The following GULP1 variants were observed in gnomAD, a reference collection of about 807,000 sequenced individuals.
The protein encoded by GULP1 is GULP PTB domain containing engulfment adaptor 1.
GULP1 carries 19 observed loss-of-function variants against 40.9 expected under a neutral mutation model. The observed-to-expected ratio is 0.46, with a 90% CI of 0.32 to 0.68. The LOEUF is 0.68. Ranked by LOEUF, GULP1 falls within the 30% of genes least tolerant of loss-of-function variation. The pLI is 0.03. For missense variants in GULP1, 312 were observed against 362.2 expected (o/e 0.86, Z 1.12); for synonymous variants, 119 against 117.6 (o/e 1.01, Z -0.08).
At chr2:188,386,116 C>A (rs774438069) in intron 2 of GULP1, among the ~76,000 whole-genome samples, 1 of 152,120 alleles carries the variant, frequency 6.6e-6, no homozygotes, top group Non-Finnish European at 1.5e-5. Context: ...CAAGACTGGG[C>A]AATCTACAAA....
intron 2 of GULP1, among the ~76,000 whole-genome samples, chr2:188,398,314 A>C (rs115599824): frequency 0.025 from 3,754 of 152,344 alleles, 75 homozygotes; most frequent in Non-Finnish European, 0.038. Context: ...CACTGGTAAC[A>C]GTGGTAATTT....
chr2:188,583,898 A>G (rs1338301197), intron 9 of GULP1, among the ~76,000 whole-genome samples: 1 of 152,210 alleles, frequency 6.6e-6, no homozygotes. Context: ...TACTGAAATC[A>G]TATTTTTACA....
At chr2:188,335,042 A>G (rs2042081622) in intron 1 of GULP1, among the ~76,000 whole-genome samples, 1 of 152,240 alleles carries the variant, frequency 6.6e-6, no homozygotes, top group South Asian at 2.1e-4. Flanking sequence ...GAAGTTGCTG[A>G]TATAAAAGGA....
chr2:188,409,591 C>T (rs1209276631), intron 2 of GULP1, among the ~76,000 whole-genome samples: 2 of 152,044 alleles, frequency 1.3e-5, no homozygotes, highest in African/African-American at 4.8e-5. Context: ...AGAAAGAATA[C>T]TTCCAAACTC....
intron 2 of GULP1, among the ~76,000 whole-genome samples, chr2:188,472,860 T>A (rs1238193773): frequency 6.6e-6 from 1 of 152,218 alleles, no homozygotes; most frequent in Non-Finnish European, 1.5e-5. Context: ...ATTGTCTGTG[T>A]CTGGGCATTG....
chr2:188,340,490 T>C (rs1262958044), intron 1 of GULP1, among the ~76,000 whole-genome samples: 3 of 152,128 alleles, frequency 2.0e-5, no homozygotes, highest in African/African-American at 7.2e-5. Context: ...AGCAAAACTC[T>C]GTGTGGGTCT....
intron 1 of GULP1, among the ~76,000 whole-genome samples, chr2:188,314,682 A>G (rs2038782888): frequency 6.6e-6 from 1 of 152,180 alleles, no homozygotes; most frequent in Non-Finnish European, 1.5e-5. Context: ...CCTTTTAAAT[A>G]CATTACAGTA....
chr2:188,397,235 T>C (rs757156555), intron 2 of GULP1, among the ~76,000 whole-genome samples: 1 of 152,252 alleles, frequency 6.6e-6, no homozygotes, highest in Non-Finnish European at 1.5e-5. Context: ...GTCTGCCATC[T>C]TGTAGAAAAA....
chr2:188,472,952 A>G (rs970499090), intron 2 of GULP1, among the ~76,000 whole-genome samples: 1 of 152,142 alleles, frequency 6.6e-6, no homozygotes, highest in Admixed American at 6.6e-5. Context: ...CAGGTATTCA[A>G]AAAGACTTGG....
rs1353941816 is a variant in GULP1 at position 188,555,926 on chromosome 2, CA to C, written c.400-13312del. Among the ~76,000 whole-genome samples, 3 of 151,754 alleles carry C rather than the reference CA, an allele frequency of 2.0e-5. No homozygotes were observed. The East Asian group carries it at 5.8e-4, about 29-fold the overall frequency. ...ATCAAAAATTAGCCAGGCATGGTGG[CA>C]CACACCTGTAATCCCAGCTACTTGG... On this transcript the variant is annotated intron_variant, in intron 7 of 11. Transcript: ENST00000409830.
chr2:188,528,991 CTTAA>C (rs563558019), intron 5 of GULP1, 102 bp from the exon 6 acceptor site: 151 of 603,458 alleles, frequency 2.5e-4, no homozygotes, highest in African/African-American at 2.5e-3. Context: ...CAAAAATTCA[CTTAA>C]TTAAAGTCTG....
intron 2 of GULP1, among the ~76,000 whole-genome samples, chr2:188,477,221 T>A (rs2061087515): frequency 6.6e-6 from 1 of 152,142 alleles, no homozygotes. Context: ...AATTTTATCC[T>A]ATGTTTTAAC....
rs1553534330 is a variant in GULP1, at chr2:188,368,921, A to ATG, written c.-171-14840_-171-14839dup. Among the ~76,000 whole-genome samples, 35 of 66,204 alleles carry ATG rather than the reference A, an allele frequency of 5.3e-4. 1 individual carries two copies. The East Asian group carries it at 8.3e-3, about 16-fold the overall frequency. 43.4% of individuals were successfully genotyped at this position (66,204 alleles called of 152,430 possible). On this transcript the variant is annotated intron_variant, in intron 1 of 11. Coordinates refer to ENST00000409830, the MANE Select transcript of GULP1 (RefSeq NM_016315.4). ...GTATTAATAGATAGAATATATATAT[A>ATG]TGTATATATATATGTGTGTATATAT...
At chr2:188,493,893 G>A (rs1384076650) in intron 4 of GULP1, among the ~76,000 whole-genome samples, 1 of 151,988 alleles carries the variant, frequency 6.6e-6, no homozygotes, top group East Asian at 1.9e-4. Context: ...CTGGCCCCTG[G>A]TAGAGTCAGA....
At chr2:188,516,907 A>T (rs1051933233) in intron 4 of GULP1, among the ~76,000 whole-genome samples, 1 of 152,068 alleles carries the variant, frequency 6.6e-6, no homozygotes, top group Non-Finnish European at 1.5e-5. Context: ...TGATTGTTTT[A>T]CATTTCACCT....
intron 2 of GULP1, chr2:188,384,452 A>G (rs1389892564): frequency 6.6e-6 from 1 of 152,194 alleles, no homozygotes; most frequent in East Asian, 1.9e-4. Flanking sequence ...ACATGTGGGA[A>G]TTGTGGGAGG....
intron 1 of GULP1, among the ~76,000 whole-genome samples, chr2:188,325,032 C>A (rs561555367): frequency 6.6e-6 from 1 of 151,978 alleles, no homozygotes; most frequent in South Asian, 2.1e-4. Context: ...CATACACACA[C>A]ACCCACACCC....
chr2:188,469,553 G>A (rs191702970), intron 2 of GULP1, among the ~76,000 whole-genome samples: 4 of 152,106 alleles, frequency 2.6e-5, no homozygotes, highest in African/African-American at 9.7e-5. Flanking sequence ...AGGCAAAGGG[G>A]GAGTGAGGCA....
chr2:188,576,188 G>T (rs1700144650), intron 9 of GULP1, among the ~76,000 whole-genome samples: 1 of 151,904 alleles, frequency 6.6e-6, no homozygotes, highest in African/African-American at 2.4e-5. Context: ...CTTATTCGAT[G>T]GCTGAATATA....
Sources: allele counts gnomAD v4.1 joint callset (sites outside exome capture counted in the v4.1 genomes callset), GRCh38; gene constraint gnomAD v4.1.1; transcripts MANE v1.5; gene names NCBI Gene and HGNC (gene_info 2026-07-23, HGNC 2026-07-21).